Variants in SLCO2A1 observed in about 807,000 individuals in gnomAD.
SLCO2A1 encodes matrin F/G 1.
Under a neutral mutation model 71.7 loss-of-function variants are expected in SLCO2A1, and 60 were observed. The ratio of observed to expected loss-of-function variants is 0.84; its 90% CI spans 0.68 to 1.04. SLCO2A1 has a LOEUF of 1.04. Among genes scored for constraint, SLCO2A1 ranks in the 50% least tolerant of loss-of-function variants. The pLI, the probability that SLCO2A1 is intolerant of heterozygous loss-of-function variation, is 0.00. For synonymous variants in SLCO2A1, 308 were observed against 326.7 expected (o/e 0.94, Z 0.62); for missense variants, 745 against 813.4 (o/e 0.92, Z 1.02).
chr3:133,942,469 T>C (rs1161666734), intron 11 of SLCO2A1, 136 bp downstream of exon 11: 2 of 911,888 alleles, frequency 2.2e-6, no homozygotes, highest in African/African-American at 3.4e-5. Flanking sequence ...AAAAGAACCT[T>C]GCACATTGTC....
At chr3:133,948,782 C>T in intron 7 of SLCO2A1, 82 bp from the exon 8 acceptor site, 1 of 1,586,096 alleles carries the variant, frequency 6.3e-7, no homozygotes, top group Non-Finnish European at 8.6e-7. Flanking sequence ...TACAGGCCCT[C>T]TGCTCCTACT....
intron 1 of SLCO2A1, among the ~76,000 whole-genome samples, chr3:133,990,640 G>C (rs754878777): frequency 6.6e-6 from 1 of 152,086 alleles, no homozygotes; most frequent in Non-Finnish European, 1.5e-5. Flanking sequence ...GCTGGCTCTG[G>C]GTGTATGCCC....
intron 1 of SLCO2A1, among the ~76,000 whole-genome samples, chr3:134,013,535 C>A (rs1190042174): frequency 6.6e-6 from 1 of 152,156 alleles, no homozygotes; most frequent in East Asian, 1.9e-4. Flanking sequence ...TTTCTGATGT[C>A]CACACCTCAC....
chr3:133,961,379 G>T (rs909552986), intron 3 of SLCO2A1, among the ~76,000 whole-genome samples: 1 of 152,116 alleles, frequency 6.6e-6, no homozygotes, highest in African/African-American at 2.4e-5. Context: ...TGGGTTTTTT[G>T]AATGCTAGTT....
rs996189472 is a variant in SLCO2A1, at chr3:134,029,843, G to C, written c.-41C>G. 1.6e-6 allele frequency: 2 copies of C among 1,241,952 alleles called. No individual in the cohort carries two copies. Among genetic ancestry groups the C allele is most frequent in the Non-Finnish European group, 1.0e-6 (1 of 964,812 alleles). The allele number at this position is 1,241,952 out of a possible 1,614,324, so 76.9% of individuals were successfully genotyped here. On this transcript the variant is annotated 5_prime_UTR_variant, in exon 1 of 14. Coordinates refer to ENST00000310926, the MANE Select transcript of SLCO2A1 (RefSeq NM_005630.3). ...GCCGGGCGCGGAGTGGCGCGGGGTC[G>C]GGGCGCCTCGGGCTGGAGCGGCCGG...
At position 133,949,288 on chromosome 3, in the gene SLCO2A1, C is replaced by A. The variant is rs905130695; in HGVS notation, c.862-317G>T. ...GTGTCTTCCTGGACCCCACCCCTCA[C>A]CCCCATCTGTCATGGCTACGCTTCT... is the stretch of plus-strand genomic sequence containing the variant. On this transcript the variant is annotated intron_variant, in intron 6 of 13. Transcript: ENST00000310926. The A allele has an allele frequency of 1.6e-5, 5 of 319,034 alleles. No homozygotes were observed. In the Admixed American group the frequency reaches 2.2e-4, roughly 14 times the overall value. 19.8% of individuals were successfully genotyped at this position (319,034 alleles called of 1,614,324 possible).
intron 1 of SLCO2A1, among the ~76,000 whole-genome samples, chr3:134,001,632 G>A (rs935233414): frequency 1.1e-4 from 16 of 152,086 alleles, no homozygotes; most frequent in African/African-American, 3.6e-4. Context: ...AGAAACATCT[G>A]CAGGGTCTGG....
chr3:133,979,134 G>A (rs1041967060), intron 2 of SLCO2A1, among the ~76,000 whole-genome samples: 3 of 152,178 alleles, frequency 2.0e-5, no homozygotes, highest in Admixed American at 6.5e-5. Context: ...ATTTGAAGGC[G>A]GACAGCCCTG....
Position 133,942,670 on chromosome 3 carries a change from G to C in SLCO2A1, c.1560C>G (p.Phe520Leu), listed in dbSNP as rs748541502. The C allele has an allele frequency of 6.2e-7, 1 of 1,613,866 alleles. No homozygotes were observed. Among genetic ancestry groups the C allele is most frequent in the Non-Finnish European group, 8.5e-7 (1 of 1,179,976 alleles). ...CTATCAGGGACACGAAGGAGATGAGGAAGATGGCCGGGAGCAGGAAGTGGG... is the reference window on the plus strand; with the variant it reads ...CTATCAGGGACACGAAGGAGATGAGCAAGATGGCCGGGAGCAGGAAGTGGG... The part of the protein sequence containing the change: ...PCAHFLLPAI[F>L]LISFVSLIAC... Residue 520 changes from phenylalanine to leucine, a missense_variant, in exon 11 of 14, where the codon TTC becomes TTG. Coordinates refer to ENST00000310926, the MANE Select transcript of SLCO2A1 (RefSeq NM_005630.3).
chr3:134,013,443 C>T (rs1302266389), intron 1 of SLCO2A1, among the ~76,000 whole-genome samples: 1 of 152,232 alleles, frequency 6.6e-6, no homozygotes, highest in East Asian at 1.9e-4. Flanking sequence ...ACTGCTGTCC[C>T]TTTGCCCCCC....
chr3:133,985,752 C>T (rs1934699987), intron 1 of SLCO2A1, among the ~76,000 whole-genome samples: 2 of 152,196 alleles, frequency 1.3e-5, no homozygotes, highest in South Asian at 2.1e-4. Flanking sequence ...CAATCTTTGT[C>T]AAATGAACAA....
At chr3:134,022,079 GA>G (rs1157375816) in intron 1 of SLCO2A1, among the ~76,000 whole-genome samples, 2 of 142,566 alleles carry the variant, frequency 1.4e-5, no homozygotes, top group Non-Finnish European at 3.1e-5. Flanking sequence ...AAAAAAAAAA[GA>G]AAAAAAGAGG....
intron 9 of SLCO2A1, among the ~76,000 whole-genome samples, chr3:133,946,236 GA>G (rs113147743): frequency 0.013 from 1,199 of 94,360 alleles, 2 homozygotes; most frequent in Middle Eastern, 0.03. Context: ...TCATTTCAAA[GA>G]AAAAAAAAAA....
Position 133,934,453 on chromosome 3 carries a change from G to A in SLCO2A1, c.*260C>T. ...AGGACTCAACACTGAAGTGAGCCTG[G>A]GCATCTGGGGGCCTCTTCCAAGGGG... On this transcript the variant is annotated 3_prime_UTR_variant, in exon 14 of 14. Coordinates refer to ENST00000310926, the MANE Select transcript of SLCO2A1 (RefSeq NM_005630.3). 2.9e-6 allele frequency: 1 copy of A among 348,352 alleles called. No homozygotes were observed. The highest frequency in any genetic ancestry group is 5.3e-6 in the Non-Finnish European group (1 of 188,134). The allele number at this position is 348,352 out of a possible 1,614,324, so 21.6% of individuals were successfully genotyped here.
At chr3:134,007,307 A>G (rs1463689187) in intron 1 of SLCO2A1, among the ~76,000 whole-genome samples, 2 of 152,210 alleles carry the variant, frequency 1.3e-5, no homozygotes, top group Non-Finnish European at 2.9e-5. Flanking sequence ...TGATGCACAG[A>G]AGTTTTAAAT....
chr3:133,948,701 C>CTA lies in SLCO2A1; in HGVS notation c.941-2_941-1insTA. The CTA allele has an allele frequency of 6.2e-7, 1 of 1,613,184 alleles. No homozygotes were observed. Among genetic ancestry groups the CTA allele is most frequent in the South Asian group, 1.1e-5 (1 of 90,930 alleles). On this transcript the variant is annotated splice_acceptor_variant, in intron 7 of 13. Transcript: ENST00000310926. LOFTEE classifies it high-confidence loss of function. Reference sequence around the variant, plus strand: ...AGCCTCAGAAAGATGCATGGAAACCCTGTGAACAGACCGCTGTCAAGGCTC... The same window carrying CTA: ...AGCCTCAGAAAGATGCATGGAAACCCTATGTGAACAGACCGCTGTCAAGGCTC...
chr3:133,948,665 A>C lies in SLCO2A1; in HGVS notation c.976T>G (p.Ser326Ala). 6.2e-7 allele frequency: 1 copy of C among 1,614,146 alleles called. No individual in the cohort carries two copies. The change falls in exon 8 of 14, where the codon TCA becomes GCA. Residue 326 changes from serine (S) to alanine (A), a missense_variant. Ser to Ala is a moderately conservative substitution (Grantham distance 99). Transcript: ENST00000310926. ...PCIFLRLLMNSLFVLVVLAQC... is the reference protein window; with the variant it reads ...PCIFLRLLMNALFVLVVLAQC... ...GCCAGGACCACCAGGACGAAGAGTG[A>C]GTTCATCAGGAGCCTCAGAAAGATG... is the stretch of plus-strand genomic sequence containing the variant.
intron 2 of SLCO2A1, among the ~76,000 whole-genome samples, chr3:133,977,654 G>T (rs549691993): frequency 6.6e-6 from 1 of 152,302 alleles, no homozygotes; most frequent in African/African-American, 2.4e-5. Flanking sequence ...GAAAGGGATG[G>T]GGTGGGTAAT....
chr3:134,019,115 A>T (rs1424533274), intron 1 of SLCO2A1, among the ~76,000 whole-genome samples: 1 of 152,184 alleles, frequency 6.6e-6, no homozygotes, highest in Non-Finnish European at 1.5e-5. Flanking sequence ...ACCCCTGCTA[A>T]ACCAGTGTTA....
Sources: gnomAD v4.1 joint callset for allele counts (sites outside exome capture counted in the v4.1 genomes callset) on GRCh38, gnomAD v4.1.1 for gene constraint, MANE v1.5 for transcripts, NCBI Gene and HGNC (gene_info 2026-07-23, HGNC 2026-07-21) for gene names.